The following RGS18 variants were observed in gnomAD, a reference collection of about 807,000 sequenced individuals.
RGS18 encodes regulator of G protein signaling 18, also known as regulator of G-protein signaling 18.
RGS18 carries 22 observed loss-of-function variants against 27.6 expected under a neutral mutation model. The ratio of observed to expected loss-of-function variants is 0.80; its 90% CI spans 0.57 to 1.14. The LOEUF is 1.14. Ranked by LOEUF, RGS18 falls within the 50% of genes most tolerant of loss-of-function variation. RGS18 has a pLI of 0.00. For missense variants in RGS18, 299 were observed against 269.6 expected (o/e 1.11, Z -0.76); for synonymous variants, 89 against 84.6 (o/e 1.05, Z -0.29).
At chr1:192,158,899 T>C in intron 1 of RGS18, 143 bp downstream of exon 1, 2 of 652,990 alleles carry the variant, frequency 3.1e-6, no homozygotes, top group Non-Finnish European at 2.6e-6. Context: ...AACACCTTTT[T>C]ATTTCTTAGG....
chr1:192,160,515 C>A, intron 3 of RGS18, 76 bp downstream of exon 3: 2 of 1,018,424 alleles, frequency 2.0e-6, no homozygotes, highest in South Asian at 1.5e-5. Context: ...TTATCCGAAA[C>A]AATAGGTCAC....
intron 3 of RGS18, among the ~76,000 whole-genome samples, chr1:192,172,715 C>T (rs1656282308): frequency 6.6e-6 from 1 of 151,624 alleles, no homozygotes; most frequent in Admixed American, 6.6e-5. Flanking sequence ...ATTAGATTGG[C>T]TCTACCTGGA....
At chr1:192,160,351 T>C in intron 2 of RGS18, 27 bp from the exon 3 acceptor site, 3 of 1,541,602 alleles carry the variant, frequency 1.9e-6, no homozygotes, top group Non-Finnish European at 2.7e-6. Context: ...GCACACTCCA[T>C]TATAAAACAT....
intron 3 of RGS18, among the ~76,000 whole-genome samples, chr1:192,172,880 T>TAC (rs1553229377): frequency 4.7e-4 from 65 of 139,590 alleles, no homozygotes; most frequent in African/African-American, 1.6e-3. Flanking sequence ...TATATATATA[T>TAC]ATAAATATAT....
chr1:192,172,702 G>A (rs548100954), intron 3 of RGS18, among the ~76,000 whole-genome samples: 4 of 151,470 alleles, frequency 2.6e-5, no homozygotes, highest in South Asian at 2.1e-4. Context: ...AAGGACTCGC[G>A]TGATTAGATT....
intron 3 of RGS18, among the ~76,000 whole-genome samples, chr1:192,162,762 T>C (rs1206162562): frequency 6.6e-6 from 1 of 152,220 alleles, no homozygotes; most frequent in Non-Finnish European, 1.5e-5. Context: ...CAAATGTGTT[T>C]ATTTTAAAAT....
intron 3 of RGS18, chr1:192,168,425 A>C (rs1389216411): frequency 1.3e-5 from 2 of 152,186 alleles, no homozygotes; most frequent in African/African-American, 4.8e-5. Context: ...CAGAACATAC[A>C]TAGCACTTTT....
At chr1:192,171,742 T>C (rs929368450) in intron 3 of RGS18, among the ~76,000 whole-genome samples, 1 of 151,960 alleles carries the variant, frequency 6.6e-6, no homozygotes, top group Non-Finnish European at 1.5e-5. Context: ...TCTAATACAT[T>C]AAAAAGATTG....
At chr1:192,167,080 CT>C (rs1419319317) in intron 3 of RGS18, among the ~76,000 whole-genome samples, 1 of 152,120 alleles carries the variant, frequency 6.6e-6, no homozygotes, top group Non-Finnish European at 1.5e-5. Flanking sequence ...TTTACTTGAA[CT>C]TTTTACACTC....
At chr1:192,176,071 TC>T (rs1656353172) in intron 3 of RGS18, among the ~76,000 whole-genome samples, 1 of 151,784 alleles carries the variant, frequency 6.6e-6, no homozygotes, top group Non-Finnish European at 1.5e-5. Context: ...AATACAGGTA[TC>T]CCTGGGCTAA....
intron 3 of RGS18, among the ~76,000 whole-genome samples, chr1:192,170,954 T>C (rs1314466967): frequency 1.3e-5 from 2 of 152,110 alleles, no homozygotes; most frequent in Non-Finnish European, 2.9e-5. Context: ...TGAAAGGCAT[T>C]GTGGGAAAGA....
chr1:192,170,759 C>T (rs1202125769), intron 3 of RGS18, among the ~76,000 whole-genome samples: 1 of 152,020 alleles, frequency 6.6e-6, no homozygotes, highest in Admixed American at 6.6e-5. Context: ...TATCAAGCTG[C>T]TGTCAATCAG....
intron 3 of RGS18, among the ~76,000 whole-genome samples, chr1:192,167,082 T>G (rs949088609): frequency 2.6e-5 from 4 of 152,156 alleles, no homozygotes; most frequent in South Asian, 2.1e-4. Flanking sequence ...TACTTGAACT[T>G]TTTACACTCT....
At chr1:192,160,960 C>T (rs1656059102) in intron 3 of RGS18, among the ~76,000 whole-genome samples, 1 of 152,170 alleles carries the variant, frequency 6.6e-6, no homozygotes, top group African/African-American at 2.4e-5. Context: ...GGCCATTCTC[C>T]TGCCTCAGCC....
intron 4 of RGS18, among the ~76,000 whole-genome samples, chr1:192,183,653 A>G (rs1442729720): frequency 2.6e-5 from 4 of 151,590 alleles, no homozygotes; most frequent in Non-Finnish European, 4.4e-5. Flanking sequence ...CAGACACAAC[A>G]GCACTATTCA....
rs1656027641 is a variant in RGS18 at position 192,159,225 on chromosome 1, A to G, written c.125A>G (p.Lys42Arg). ...TGAAGGCCTTTTTATTACAGAGCTA[A>G]GGAAAAAAGAAATAGACTAAGTCTT... ...ETSKEAKIRAKEKRNRLSLLV... is the reference protein window; with the variant it reads ...ETSKEAKIRAREKRNRLSLLV... The change falls in exon 2 of 5, where the codon AAG becomes AGG. Residue 42 changes from lysine to arginine, a missense_variant. Coordinates refer to ENST00000367460, the MANE Select transcript of RGS18 (RefSeq NM_130782.3). The G allele has an allele frequency of 6.2e-7, 1 of 1,610,142 alleles. No homozygotes were observed. The highest frequency in any genetic ancestry group is 8.5e-7 in the Non-Finnish European group (1 of 1,176,554).
At chr1:192,170,582 T>C (rs1656236971) in intron 3 of RGS18, among the ~76,000 whole-genome samples, 1 of 151,730 alleles carries the variant, frequency 6.6e-6, no homozygotes, top group African/African-American at 2.4e-5. Context: ...CAATGCAAAA[T>C]GAACTAACAT....
chr1:192,177,625 C>T (rs1206061004), intron 3 of RGS18, among the ~76,000 whole-genome samples: 2 of 151,572 alleles, frequency 1.3e-5, no homozygotes, highest in Non-Finnish European at 3.0e-5. Flanking sequence ...ACACCCAACT[C>T]GTTCTTTAGA....
chr1:192,171,535 A>G (rs1656257182), intron 3 of RGS18, among the ~76,000 whole-genome samples: 1 of 152,090 alleles, frequency 6.6e-6, no homozygotes, highest in African/African-American at 2.4e-5. Flanking sequence ...AAATTTACTG[A>G]GGAAAAGAAA....
Sources: allele counts gnomAD v4.1 joint callset (sites outside exome capture counted in the v4.1 genomes callset), GRCh38; gene constraint gnomAD v4.1.1; transcripts MANE v1.5; gene names NCBI Gene and HGNC (gene_info 2026-07-23, HGNC 2026-07-21).